Variants in EYS observed in about 807,000 individuals in gnomAD.
EYS encodes EGF-like photoreceptor maintenance factor.
In EYS, 250 loss-of-function variants were observed where a neutral mutation model predicts 282.1. That is an observed-to-expected ratio of 0.89 (90% confidence interval 0.80 to 0.98). The LOEUF (loss-of-function observed/expected upper bound fraction) is 0.98. Among genes scored for constraint, EYS ranks in the 50% least tolerant of loss-of-function variants. The pLI, the probability that EYS is intolerant of heterozygous loss-of-function variation, is 0.00. For missense variants in EYS, 4,016 were observed against 3,709.0 expected, an observed-to-expected ratio of 1.08 and a Z score of -2.15; for synonymous variants, 1,355 against 1,282.9, an observed-to-expected ratio of 1.06 and a Z score of -1.20.
chr6:64,108,507 C>CTTTTTTTTTTT (rs530004392), intron 31 of EYS, among the ~76,000 whole-genome samples: 2 of 116,844 alleles, frequency 1.7e-5, no homozygotes, highest in African/African-American at 6.5e-5. Flanking sequence ...TCCACTACTG[C>CTTTTTTTTTTT]TTTTTTTTTT....
rs570678605 is a variant in EYS at position 64,948,741 on chromosome 6, G to A, written c.2260-2827C>T. Among the ~76,000 whole-genome samples the A allele has an allele frequency of 1.8e-4, 27 of 151,328 alleles. No individual in the cohort carries two copies. The South Asian group carries it at 5.6e-3, about 31-fold the overall frequency. ...TATTAAAATGTGTTTACCAAAAGGA[G>A]TAAAGGTTTACATTATTTATTAAAT... is the stretch of plus-strand genomic sequence containing the variant. On this transcript the variant is annotated intron_variant, in intron 14 of 42. Coordinates refer to ENST00000503581, the MANE Select transcript of EYS (RefSeq NM_001142800.2).
chr6:64,587,575 C>G (rs1330629643), intron 26 of EYS, among the ~76,000 whole-genome samples: 2 of 151,972 alleles, frequency 1.3e-5, no homozygotes, highest in Admixed American at 1.3e-4. Flanking sequence ...TATTAAGCAG[C>G]TATTTTAATG....
chr6:64,805,145 T>C (rs1417941328), intron 22 of EYS, among the ~76,000 whole-genome samples: 1 of 152,102 alleles, frequency 6.6e-6, no homozygotes, highest in African/African-American at 2.4e-5. Flanking sequence ...AAGTATTATG[T>C]GTAAATCAGA....
intron 28 of EYS, among the ~76,000 whole-genome samples, chr6:64,417,417 G>C (rs375094925): frequency 2.6e-5 from 4 of 152,114 alleles, no homozygotes; most frequent in African/African-American, 9.6e-5. Context: ...GTTTTAATTG[G>C]TATGCTTTAC....
At chr6:64,355,995 A>G (rs956430612) in intron 29 of EYS, among the ~76,000 whole-genome samples, 1 of 151,666 alleles carries the variant, frequency 6.6e-6, no homozygotes, top group Non-Finnish European at 1.5e-5. Flanking sequence ...TCCTGACCAC[A>G]TGCCAATAAG....
rs79354443 is a variant in EYS at position 65,114,450 on chromosome 6, C to G, written c.2024-56723G>C. Among the ~76,000 whole-genome samples, 3 of 124,874 alleles carry G rather than the reference C, an allele frequency of 2.4e-5. No homozygotes were observed. In the East Asian group the frequency reaches 6.0e-4, roughly 25 times the overall value. 81.9% of individuals were successfully genotyped at this position (124,874 alleles called of 152,430 possible). On this transcript the variant is annotated intron_variant, in intron 12 of 42. Coordinates refer to ENST00000503581, the MANE Select transcript of EYS (RefSeq NM_001142800.2). ...TTCTTATTCTAGACATTTGGGTAAT[C>G]TTTCCAAACTAATTTTTTTTTTTTA...
chr6:65,167,563 C>T (rs1322990938), intron 12 of EYS, among the ~76,000 whole-genome samples: 1 of 151,116 alleles, frequency 6.6e-6, no homozygotes, highest in Non-Finnish European at 1.5e-5. Flanking sequence ...TATATAGGTA[C>T]ATGGATACAC....
At chr6:64,246,045 A>AAAAAG (rs1767007860) in intron 30 of EYS, among the ~76,000 whole-genome samples, 1 of 139,616 alleles carries the variant, frequency 7.2e-6, no homozygotes, top group African/African-American at 2.6e-5. Flanking sequence ...AAAAAAAAAA[A>AAAAAG]AGAATTTTGG....
chr6:63,898,478 G>A (rs1773587996), intron 35 of EYS, among the ~76,000 whole-genome samples: 1 of 148,928 alleles, frequency 6.7e-6, no homozygotes, highest in Non-Finnish European at 1.5e-5. Flanking sequence ...GCAAAAGAGC[G>A]AGATTCCATC....
chr6:65,571,274 A>T lies in EYS; in HGVS notation c.-333+68504T>A, dbSNP rs574273380. ...TCTTCAGCTAAAATATATATATATA[A>T]AAAGAGAAGGATATCTGAGAGGTAA... On this transcript the variant is annotated intron_variant, in intron 2 of 42. Transcript: ENST00000503581. 2.5e-3 allele frequency among the ~76,000 whole-genome samples: 377 copies of T among 152,138 alleles called. 1 individual carries two copies. Among genetic ancestry groups the T allele is most frequent in the Middle Eastern group, 0.021 (6 of 292 alleles).
At chr6:63,879,414 A>G (rs1773068977) in intron 35 of EYS, among the ~76,000 whole-genome samples, 2 of 152,164 alleles carry the variant, frequency 1.3e-5, no homozygotes, top group African/African-American at 2.4e-5. Flanking sequence ...GCTACTGAAG[A>G]AAAATAAACT....
intron 26 of EYS, among the ~76,000 whole-genome samples, chr6:64,538,437 C>T (rs1302679897): frequency 1.3e-5 from 2 of 152,032 alleles, no homozygotes; most frequent in East Asian, 1.9e-4. Flanking sequence ...CATATTTAGT[C>T]TTTTATAAAG....
intron 19 of EYS, among the ~76,000 whole-genome samples, chr6:64,875,288 A>G (rs1004387855): frequency 5.9e-5 from 9 of 152,024 alleles, no homozygotes; most frequent in African/African-American, 2.2e-4. Flanking sequence ...GGACATAGGT[A>G]TTAGGTGTGC....
chr6:64,642,478 G>A (rs1161987536), intron 22 of EYS, among the ~76,000 whole-genome samples: 2 of 152,098 alleles, frequency 1.3e-5, no homozygotes, highest in East Asian at 3.9e-4. Flanking sequence ...AGCTTATAAG[G>A]TTATCCTACT....
At chr6:64,409,173 C>T (rs1366924921) in intron 28 of EYS, among the ~76,000 whole-genome samples, 1 of 152,188 alleles carries the variant, frequency 6.6e-6, no homozygotes, top group Non-Finnish European at 1.5e-5. Flanking sequence ...ATATGCACCA[C>T]ACTTTCTTTA....
chr6:64,017,869 C>A (rs975303586), intron 33 of EYS, among the ~76,000 whole-genome samples: 1 of 152,190 alleles, frequency 6.6e-6, no homozygotes, highest in African/African-American at 2.4e-5. Flanking sequence ...TTACTTAAAC[C>A]TCTCTGAGTT....
intron 11 of EYS, among the ~76,000 whole-genome samples, chr6:65,317,851 T>A (rs1273876341): frequency 1.9e-5 from 1 of 52,594 alleles, no homozygotes; most frequent in Non-Finnish European, 3.7e-5. Flanking sequence ...TCTTTCTTTC[T>A]TTCTTTCTTT....
intron 26 of EYS, among the ~76,000 whole-genome samples, chr6:64,546,726 C>A (rs2149802513): frequency 6.6e-6 from 1 of 152,282 alleles, no homozygotes; most frequent in Non-Finnish European, 1.5e-5. Context: ...TGAACAGACA[C>A]TTCTCAAAAA....
chr6:64,439,175 T>C lies in EYS; in HGVS notation c.5822A>G (p.Asn1941Ser), dbSNP rs1297515580. The C allele has an allele frequency of 3.4e-6, 5 of 1,462,202 alleles. No homozygotes were observed. The highest frequency in any genetic ancestry group is 4.5e-6 in the Non-Finnish European group (5 of 1,104,226). 90.6% of individuals were successfully genotyped at this position (1,462,202 alleles called of 1,614,324 possible). ...DGFFIQLFIE[N>S]GTLKYHFYCP... Reference sequence around the variant, plus strand: ...TGAATAACTTACCTTTAAAGTACCATTTTCAATAAACAATTGAATAAAAAA... The same window carrying C: ...TGAATAACTTACCTTTAAAGTACCACTTTCAATAAACAATTGAATAAAAAA... Residue 1941 changes from asparagine to serine, a missense_variant, in exon 27 of 43, where the codon AAT becomes AGT. By Grantham distance (46) the Asn-to-Ser change is conservative. Transcript: ENST00000503581.
Sources: allele counts gnomAD v4.1 joint callset (sites outside exome capture counted in the v4.1 genomes callset), GRCh38; gene constraint gnomAD v4.1.1; transcripts MANE v1.5; gene names NCBI Gene and HGNC (gene_info 2026-07-23, HGNC 2026-07-21).